The following MCPH1 variants were observed in gnomAD, a reference collection of about 807,000 sequenced individuals.
MCPH1 encodes the protein microcephalin 1.
A neutral mutation model predicts 84.5 loss-of-function variants in MCPH1; 104 were observed. The ratio of observed to expected loss-of-function variants is 1.23; its 90% CI spans 1.05 to 1.45. MCPH1 has a LOEUF of 1.45. MCPH1 is among the 40% of genes most tolerant of loss of function. The pLI is 0.00. For synonymous variants in MCPH1, 514 were observed against 366.8 expected (o/e 1.40, Z -4.58); for missense variants, 1,498 against 1,005.7 (o/e 1.49, Z -6.62).
intron 9 of MCPH1, among the ~76,000 whole-genome samples, chr8:6,459,775 T>C (rs1806076380): frequency 6.6e-6 from 1 of 152,236 alleles, no homozygotes; most frequent in Non-Finnish European, 1.5e-5. Context: ...TAATGTCCTA[T>C]CTGGGCAGCC....
chr8:6,530,292 G>A (rs1394272630), intron 12 of MCPH1, among the ~76,000 whole-genome samples: 1 of 152,134 alleles, frequency 6.6e-6, no homozygotes, highest in East Asian at 1.9e-4. Flanking sequence ...TGGATCACCT[G>A]AGGTCAGGAG....
At chr8:6,465,391 C>A (rs1054531456) in intron 9 of MCPH1, among the ~76,000 whole-genome samples, 1 of 152,212 alleles carries the variant, frequency 6.6e-6, no homozygotes, top group African/African-American at 2.4e-5. Context: ...TGCGCTGCTC[C>A]CACCACCCCA....
intron 12 of MCPH1, chr8:6,562,572 G>GTTTTTAAAAC: frequency 2.3e-5 from 1 of 42,834 alleles, no homozygotes; most frequent in Non-Finnish European, 4.8e-5. Flanking sequence ...TTTTTTTTTT[G>GTTTTTAAAAC]GTTGTTAAAA....
intron 12 of MCPH1, among the ~76,000 whole-genome samples, chr8:6,522,015 C>T (rs772617553): frequency 4.5e-4 from 68 of 152,188 alleles, no homozygotes; most frequent in Admixed American, 3.8e-3. Context: ...AATTAGGATA[C>T]TATCACCTAG....
At chr8:6,460,270 G>T (rs933371424) in intron 9 of MCPH1, among the ~76,000 whole-genome samples, 2 of 151,358 alleles carry the variant, frequency 1.3e-5, no homozygotes, top group African/African-American at 2.4e-5. Context: ...GTCTTCTATT[G>T]GTTTCTTTTC....
intron 12 of MCPH1, among the ~76,000 whole-genome samples, chr8:6,534,976 G>C (rs1820227723): frequency 6.6e-6 from 1 of 152,180 alleles, no homozygotes; most frequent in African/African-American, 2.4e-5. Flanking sequence ...CACTGTCTTA[G>C]TTACTCCTCA....
At chr8:6,461,663 C>G (rs924127415) in intron 9 of MCPH1, among the ~76,000 whole-genome samples, 1 of 152,088 alleles carries the variant, frequency 6.6e-6, no homozygotes, top group Non-Finnish European at 1.5e-5. Flanking sequence ...TTTGGAGGAT[C>G]CAGTTAAGCA....
intron 13 of MCPH1, chr8:6,626,358 C>T: frequency 1.0e-6 from 1 of 985,262 alleles, no homozygotes. Flanking sequence ...GATTACGTTC[C>T]CTCTTCATTC....
intron 12 of MCPH1, among the ~76,000 whole-genome samples, chr8:6,586,642 G>A (rs770186526): frequency 1.3e-5 from 2 of 152,302 alleles, no homozygotes; most frequent in South Asian, 2.1e-4. Context: ...AGTGAGAGAC[G>A]GCCAGGAGAA....
chr8:6,553,878 C>T (rs1156495350), intron 12 of MCPH1, among the ~76,000 whole-genome samples: 1 of 152,136 alleles, frequency 6.6e-6, no homozygotes, highest in Non-Finnish European at 1.5e-5. Flanking sequence ...AAGACAACTT[C>T]ATGGCGTATT....
Position 6,445,507 on chromosome 8 carries a change from T to C in MCPH1, c.1785T>C (p.Ser595=), listed in dbSNP as rs146744659. 4.4e-4 allele frequency: 713 copies of C among 1,609,816 alleles called. No homozygotes were observed. The highest frequency in any genetic ancestry group is 1.3e-3 in the Middle Eastern group (8 of 6,024). The change falls in exon 8 of 14, where the codon TCT becomes TCC. Residue 595 remains serine (S), a synonymous_variant. Coordinates refer to ENST00000344683, the MANE Select transcript of MCPH1 (RefSeq NM_024596.5). ...TAGTTGACTGTAACATGGAGACGTC[T>C]ACAGAAGAGAAGGAAAACTTACCCG... ...CFIVDCNMET[S]TEEKENLPGG...
intron 12 of MCPH1, among the ~76,000 whole-genome samples, chr8:6,608,046 G>A (rs1444251570): frequency 6.6e-6 from 1 of 152,186 alleles, no homozygotes; most frequent in African/African-American, 2.4e-5. Flanking sequence ...GGCAGGGGCT[G>A]AGGGGAGTGC....
chr8:6,433,415 T>G (rs2129554237), intron 4 of MCPH1, among the ~76,000 whole-genome samples: 1 of 152,118 alleles, frequency 6.6e-6, no homozygotes, highest in Non-Finnish European at 1.5e-5. Flanking sequence ...GGCAAATCAG[T>G]TGAGGCCAGG....
At chr8:6,596,638 C>G (rs1017712569) in intron 12 of MCPH1, among the ~76,000 whole-genome samples, 1 of 152,126 alleles carries the variant, frequency 6.6e-6, no homozygotes, top group Non-Finnish European at 1.5e-5. Flanking sequence ...CACAGAGGAA[C>G]CCCTGGGCTA....
At chr8:6,427,755 T>G (rs1801263425) in intron 3 of MCPH1, among the ~76,000 whole-genome samples, 1 of 151,306 alleles carries the variant, frequency 6.6e-6, no homozygotes, top group Non-Finnish European at 1.5e-5. Flanking sequence ...AGGTTATGTA[T>G]AATACCTAAT....
intron 12 of MCPH1, among the ~76,000 whole-genome samples, chr8:6,570,803 GTTTTTT>G (rs10548398): frequency 0.013 from 1,398 of 108,714 alleles, 27 homozygotes; most frequent in African/African-American, 0.04. Flanking sequence ...ATGGATTGTT[GTTTTTT>G]TTTTTTTTTT....
chr8:6,416,418 A>G (rs1033217123), intron 3 of MCPH1, among the ~76,000 whole-genome samples: 20 of 152,122 alleles, frequency 1.3e-4, no homozygotes, highest in African/African-American at 4.8e-4. Context: ...TCAGTATTTC[A>G]TTATTTCGTA....
intron 8 of MCPH1, among the ~76,000 whole-genome samples, chr8:6,448,970 T>C (rs1804743524): frequency 6.6e-6 from 1 of 152,224 alleles, no homozygotes; most frequent in Admixed American, 6.5e-5. Context: ...ACAGGTCTAT[T>C]AATGAGAAAA....
At chr8:6,546,462 G>C (rs1215167995) in intron 12 of MCPH1, among the ~76,000 whole-genome samples, 1 of 152,214 alleles carries the variant, frequency 6.6e-6, no homozygotes, top group Non-Finnish European at 1.5e-5. Context: ...CAAAGTTTGA[G>C]AAGCCAGGTG....
Sources: gnomAD v4.1 joint callset for allele counts (sites outside exome capture counted in the v4.1 genomes callset) on GRCh38, gnomAD v4.1.1 for gene constraint, MANE v1.5 for transcripts, NCBI Gene and HGNC (gene_info 2026-07-23, HGNC 2026-07-21) for gene names.